The following AMMECR1 variants were observed in gnomAD, a reference collection of about 807,000 sequenced individuals.
AMMECR1 encodes AMMECR nuclear protein 1, also known as nuclear protein AMMECR1.
Under a neutral mutation model 22.5 loss-of-function variants are expected in AMMECR1, and 3 were observed. The observed-to-expected ratio is 0.13, with a 90% confidence interval of 0.06 to 0.35. The LOEUF (loss-of-function observed/expected upper bound fraction) is 0.35. Among genes scored for constraint, AMMECR1 ranks in the 10% least tolerant of loss-of-function variants. The pLI is 1.00. For missense variants in AMMECR1, 235 were observed against 278.7 expected (o/e 0.84, Z 1.12); for synonymous variants, 130 against 116.7 (o/e 1.11, Z -0.74).
At chrX:110,244,164 T>C (rs1232759192) in intron 2 of AMMECR1, among the ~76,000 whole-genome samples, 10 of 111,616 alleles carry the variant, frequency 9.0e-5, no homozygotes, top group Non-Finnish European at 1.9e-4. Context: ...ACCTTGTCTC[T>C]GTTATATGTT....
At chrX:110,363,299 G>C (rs1225189699) in intron 2 of AMMECR1, among the ~76,000 whole-genome samples, 1 of 112,032 alleles carries the variant, frequency 8.9e-6, no homozygotes, top group Admixed American at 9.5e-5. Flanking sequence ...GCTACAGACT[G>C]AGAGGGAATA....
intron 1 of AMMECR1, among the ~76,000 whole-genome samples, chrX:110,316,818 A>C (rs2068050123): frequency 9.0e-6 from 1 of 110,552 alleles, no homozygotes; most frequent in Non-Finnish European, 1.9e-5. Flanking sequence ...TCGACACAAA[A>C]GCGAATGCAC....
At chrX:110,419,760 T>G (rs1476205369) in intron 2 of AMMECR1, among the ~76,000 whole-genome samples, 7 of 112,665 alleles carry the variant, frequency 6.2e-5, no homozygotes, top group Middle Eastern at 4.6e-3. Flanking sequence ...AAGAGTTTGT[T>G]GAAAACAGTT....
chrX:110,320,254 G>C (rs2068074034), upstream of AMMECR1, among the ~76,000 whole-genome samples: 1 of 112,007 alleles, frequency 8.9e-6, no homozygotes. Flanking sequence ...CAACTGGTAT[G>C]TTAGGGTGTT....
At chrX:110,386,882 T>G (rs1443358579) in intron 2 of AMMECR1, among the ~76,000 whole-genome samples, 1 of 112,338 alleles carries the variant, frequency 8.9e-6, no homozygotes, top group African/African-American at 3.2e-5. Flanking sequence ...GAAGAGAAGA[T>G]GCAAACATGT....
chrX:110,348,897 T>A (rs1040237803), intron 2 of AMMECR1, among the ~76,000 whole-genome samples: 3 of 112,127 alleles, frequency 2.7e-5, no homozygotes, highest in African/African-American at 9.7e-5. Flanking sequence ...TTTTTACTTT[T>A]CACTTTTTGT....
intron 2 of AMMECR1, among the ~76,000 whole-genome samples, chrX:110,345,131 G>A (rs1164889614): frequency 8.9e-6 from 1 of 112,222 alleles, no homozygotes; most frequent in African/African-American, 3.2e-5. Context: ...TTAAGAAAAT[G>A]TGGCACATAT....
intron 2 of AMMECR1, among the ~76,000 whole-genome samples, chrX:110,356,662 C>CAT (rs201320295): frequency 1.2e-4 from 13 of 109,390 alleles, no homozygotes; most frequent in African/African-American, 1.3e-4. Context: ...CACATTGTAC[C>CAT]ATATATATAT....
intron 2 of AMMECR1, among the ~76,000 whole-genome samples, chrX:110,418,282 C>T (rs1262571443): frequency 1.1e-4 from 12 of 112,189 alleles, no homozygotes; most frequent in African/African-American, 3.6e-4. Flanking sequence ...AGGTACTCTG[C>T]CCCAAAGGCT....
chrX:110,221,664 T>C (rs1355706582), intron 2 of AMMECR1, among the ~76,000 whole-genome samples: 1 of 111,181 alleles, frequency 9.0e-6, no homozygotes, highest in Non-Finnish European at 1.9e-5. Flanking sequence ...TTAATATATA[T>C]GCTTAATATG....
intron 1 of AMMECR1, among the ~76,000 whole-genome samples, chrX:110,272,780 T>C (rs976931136): frequency 3.6e-5 from 4 of 112,358 alleles, no homozygotes; most frequent in African/African-American, 1.3e-4. Context: ...TGGCTGTTTC[T>C]TAATTTACTT....
chrX:110,206,229 G>A (rs1216979002), intron 3 of AMMECR1, among the ~76,000 whole-genome samples: 2 of 111,986 alleles, frequency 1.8e-5, no homozygotes, highest in African/African-American at 3.2e-5. Flanking sequence ...TTGCTACACA[G>A]TAAAAGGTTT....
At chrX:110,421,149 C>T (rs752582758) in intron 2 of AMMECR1, among the ~76,000 whole-genome samples, 7 of 112,236 alleles carry the variant, frequency 6.2e-5, no homozygotes, top group Non-Finnish European at 7.5e-5. Context: ...CAGCCCAGCC[C>T]GTGAAAATGG....
chrX:110,425,240 A>G (rs2068745321), intron 2 of AMMECR1, among the ~76,000 whole-genome samples: 1 of 112,747 alleles, frequency 8.9e-6, no homozygotes, highest in Non-Finnish European at 1.9e-5. Flanking sequence ...GCTATACAAA[A>G]GCATAGAAAG....
chrX:110,434,221 G>T (rs113908164), intron 1 of AMMECR1, among the ~76,000 whole-genome samples: 1 of 111,874 alleles, frequency 8.9e-6, no homozygotes, highest in Non-Finnish European at 1.9e-5. Context: ...AGCAGGAGGG[G>T]AGTGGACGAG....
chrX:110,339,696 A>G lies in AMMECR1; in HGVS notation c.-147-21847T>C, dbSNP rs998742136. Among the ~76,000 whole-genome samples the G allele has an allele frequency of 5.5e-5, 6 of 109,903 alleles. 1 individual carries two copies. The highest frequency in any genetic ancestry group is 6.6e-5 in the African/African-American group (2 of 30,289). On this transcript the variant is annotated intron_variant, in intron 2 of 7. Transcript: ENST00000372057. ...TTTTTAATAGAGACGGGGTTTCTCC[A>G]TATTGGTCAGGCTGGTCTCGAACTC...
intron 2 of AMMECR1, among the ~76,000 whole-genome samples, chrX:110,328,457 G>T (rs867398627): frequency 1.5e-4 from 12 of 81,038 alleles, no homozygotes; most frequent in East Asian, 3.7e-4. Flanking sequence ...TTTTTTAGAT[G>T]TTTGACTCTT....
intron 1 of AMMECR1, among the ~76,000 whole-genome samples, chrX:110,293,913 T>A (rs1214513892): frequency 9.0e-6 from 1 of 111,526 alleles, no homozygotes; most frequent in Non-Finnish European, 1.9e-5. Context: ...AGGCACTTAC[T>A]TATTTGTATT....
chrX:110,229,500 T>G lies in AMMECR1; in HGVS notation c.585-12868A>C, dbSNP rs182891240. Among the ~76,000 whole-genome samples the G allele has an allele frequency of 8.9e-5, 10 of 112,061 alleles. No individual in the cohort carries two copies. In the East Asian group the frequency reaches 2.8e-3, roughly 32 times the overall value. On this transcript the variant is annotated intron_variant, in intron 2 of 5. Coordinates refer to ENST00000262844, the MANE Select transcript of AMMECR1 (RefSeq NM_015365.3). ...CACCACAATAGATACAGAAAGGAAA[T>G]AGCTTCATTTGAGGATGAAAAAAGG...
Sources: gnomAD v4.1 joint callset for allele counts (sites outside exome capture counted in the v4.1 genomes callset) on GRCh38, gnomAD v4.1.1 for gene constraint, MANE v1.5 for transcripts, NCBI Gene and HGNC (gene_info 2026-07-23, HGNC 2026-07-21) for gene names.